Variants in LCORL observed in about 807,000 individuals in gnomAD.
LCORL encodes the protein ligand dependent nuclear receptor corepressor like, also known as ligand-dependent nuclear receptor corepressor-like protein.
In LCORL, 41 loss-of-function variants were observed where a neutral mutation model predicts 141.8. The observed-to-expected ratio is 0.29, with a 90% CI of 0.23 to 0.38. The LOEUF is 0.38. Ranked by LOEUF, LCORL falls within the 10% of genes least tolerant of loss-of-function variation. The pLI is 1.00. For missense variants in LCORL, 1,759 were observed against 2,035.0 expected, an observed-to-expected ratio of 0.86 and a Z score of 2.61; for synonymous variants, 618 against 694.1, an observed-to-expected ratio of 0.89 and a Z score of 1.72.
At chr4:18,003,233 G>A (rs1356001225) in intron 1 of LCORL, among the ~76,000 whole-genome samples, 1 of 152,144 alleles carries the variant, frequency 6.6e-6, no homozygotes, top group Non-Finnish European at 1.5e-5. Context: ...GACTAAACTA[G>A]AGAGAATAAA....
intron 4 of LCORL, among the ~76,000 whole-genome samples, chr4:17,924,461 C>T (rs1417452707): frequency 6.6e-6 from 1 of 152,168 alleles, no homozygotes; most frequent in East Asian, 1.9e-4. Flanking sequence ...CAACACTGAG[C>T]CCTCAATATG....
At chr4:17,999,009 C>CACAT (rs1721448389) in intron 1 of LCORL, among the ~76,000 whole-genome samples, 1 of 99,434 alleles carries the variant, frequency 1.0e-5, no homozygotes, top group Non-Finnish European at 1.8e-5. Flanking sequence ...TATATACACA[C>CACAT]ATATATATAT....
exon 7 of LCORL, chr4:17,878,043 G>A (rs1727101593): frequency 8.1e-7 from 1 of 1,230,552 alleles, no homozygotes; most frequent in Non-Finnish European, 1.0e-6. Flanking sequence ...CACAACACAT[G>A]ATGTATTACA....
At chr4:17,865,725 GAAGCAT>G (rs1347538743) in intron 7 of LCORL, among the ~76,000 whole-genome samples, 5 of 152,156 alleles carry the variant, frequency 3.3e-5, no homozygotes, top group African/African-American at 4.8e-5. Flanking sequence ...TCCAGGTCCA[GAAGCAT>G]AAGCATAAGT....
chr4:17,878,916 A>G (rs1299989896), intron 6 of LCORL, among the ~76,000 whole-genome samples: 4 of 151,218 alleles, frequency 2.6e-5, no homozygotes, highest in African/African-American at 9.7e-5. Context: ...TTAACTAAGA[A>G]CCGGGCTTGC....
rs915379469 is a variant in LCORL at position 17,960,395 on chromosome 4, C to T, written c.430+1508G>A. On this transcript the variant is annotated intron_variant, in intron 4 of 7. Coordinates refer to ENST00000635767, the Ensembl canonical transcript of LCORL. ...ACTCCATAATATCAAAAATTAAAGG[C>T]TATTATTATTGATAATTCTAGTTAT... 4 of 154,152 alleles carry T rather than the reference C, an allele frequency of 2.6e-5. No individual in the cohort carries two copies. The Admixed American group carries it at 2.6e-4, about 10-fold the overall frequency. 9.5% of individuals were successfully genotyped at this position (154,152 alleles called of 1,614,324 possible).
intron 2 of LCORL, among the ~76,000 whole-genome samples, chr4:17,967,922 A>G (rs1282667277): frequency 6.6e-6 from 1 of 151,640 alleles, no homozygotes; most frequent in Non-Finnish European, 1.5e-5. Flanking sequence ...CAGTGACACA[A>G]TCTCGGCTCA....
At chr4:17,919,754 C>T (rs1734005008) in intron 4 of LCORL, among the ~76,000 whole-genome samples, 1 of 152,148 alleles carries the variant, frequency 6.6e-6, no homozygotes, top group Admixed American at 6.5e-5. Context: ...GGAGCAGGCC[C>T]CAGGAAATAG....
At chr4:17,926,590 T>C (rs1735189574) in intron 4 of LCORL, among the ~76,000 whole-genome samples, 1 of 152,194 alleles carries the variant, frequency 6.6e-6, no homozygotes, top group African/African-American at 2.4e-5. Flanking sequence ...TTTTCCCTAC[T>C]TTTGAGGTTC....
intron 4 of LCORL, among the ~76,000 whole-genome samples, chr4:17,937,227 C>T (rs1373504474): frequency 6.6e-6 from 1 of 152,026 alleles, no homozygotes; most frequent in African/African-American, 2.4e-5. Flanking sequence ...CATTCTATTG[C>T]AATTGTTTTT....
At chr4:17,996,086 G>C (rs1720881970) in intron 1 of LCORL, among the ~76,000 whole-genome samples, 1 of 152,082 alleles carries the variant, frequency 6.6e-6, no homozygotes. Context: ...GCTAGATGCT[G>C]TCAGAAACTA....
At chr4:17,936,572 A>C (rs1292565295) in intron 4 of LCORL, among the ~76,000 whole-genome samples, 1 of 152,186 alleles carries the variant, frequency 6.6e-6, no homozygotes. Flanking sequence ...ACATAGTTTG[A>C]AGAAAAAGTT....
chr4:17,972,467 T>G (rs1716152192), intron 2 of LCORL, among the ~76,000 whole-genome samples: 1 of 151,720 alleles, frequency 6.6e-6, no homozygotes, highest in Non-Finnish European at 1.5e-5. Context: ...AATAATTCAA[T>G]TAAAGTTTAA....
chr4:18,012,293 C>A (rs1723930317), intron 1 of LCORL, among the ~76,000 whole-genome samples: 1 of 152,204 alleles, frequency 6.6e-6, no homozygotes, highest in African/African-American at 2.4e-5. Flanking sequence ...CACTAGGGTA[C>A]AGCTTCCTTG....
intron 4 of LCORL, among the ~76,000 whole-genome samples, chr4:17,929,342 C>T (rs1348775408): frequency 6.6e-6 from 1 of 152,028 alleles, no homozygotes; most frequent in African/African-American, 2.4e-5. Flanking sequence ...CGAAAGAGAA[C>T]AAAATCGGAG....
chr4:17,987,777 G>A (rs1485287555), intron 1 of LCORL, among the ~76,000 whole-genome samples: 5 of 152,176 alleles, frequency 3.3e-5, no homozygotes, highest in Non-Finnish European at 5.9e-5. Context: ...GGCAATTCAT[G>A]TAAGTTCCTT....
At chr4:17,861,010 G>A (rs1227090104) in intron 7 of LCORL, among the ~76,000 whole-genome samples, 1 of 152,198 alleles carries the variant, frequency 6.6e-6, no homozygotes, top group East Asian at 1.9e-4. Context: ...TTCATGGGAT[G>A]GCTTTGAGTG....
intron 1 of LCORL, among the ~76,000 whole-genome samples, chr4:17,973,771 CATAAGTT>C (rs1292528310): frequency 6.6e-6 from 1 of 151,806 alleles, no homozygotes; most frequent in East Asian, 1.9e-4. Context: ...AGAAATATTT[CATAAGTT>C]ATAAGATGCT....
intron 5 of LCORL, among the ~76,000 whole-genome samples, chr4:17,897,213 C>CTTTTTTTTTTTTTTTTTTT (rs761784734): frequency 1.6e-5 from 1 of 63,996 alleles, no homozygotes; most frequent in African/African-American, 5.8e-5. Flanking sequence ...ATACTGATTT[C>CTTTTTTTTTTTTTTTTTTT]TTTTTTTTTT....
Sources: allele counts gnomAD v4.1 joint callset (sites outside exome capture counted in the v4.1 genomes callset), GRCh38; gene constraint gnomAD v4.1.1; transcripts MANE v1.5; gene names NCBI Gene and HGNC (gene_info 2026-07-23, HGNC 2026-07-21).